FBF1: variants seen among roughly 807,000 people sequenced by gnomAD.
The protein encoded by FBF1 is fas-binding factor 1.
Under a neutral mutation model 147.2 loss-of-function variants are expected in FBF1, and 119 were observed. That is an observed-to-expected ratio of 0.81 (90% CI 0.70 to 0.94). The LOEUF (loss-of-function observed/expected upper bound fraction) is 0.94, where lower values mean the gene tolerates loss of function less well. FBF1 is among the 40% of genes least tolerant of loss of function. FBF1 has a pLI of 0.00. For synonymous variants in FBF1, 601 were observed against 609.0 expected (o/e 0.99, Z 0.19); for missense variants, 1,449 against 1,500.8 (o/e 0.97, Z 0.57).
chr17:75,922,661 C>T lies in FBF1; in HGVS notation c.1424+525G>A, dbSNP rs1480139870. ...CCCCCAGCCTGCTGGCCCCTTGTGC[C>T]TTCCTGCCTTCAGAGGTCACTCGCT... On this transcript the variant is annotated intron_variant, in intron 14 of 29. Transcript: ENST00000636174. The surrounding 1 kb of genome is among the most constrained non-coding windows in gnomAD (Gnocchi z 5.0). Among the ~76,000 whole-genome samples the T allele has an allele frequency of 2.0e-5, 3 of 152,222 alleles. No homozygotes were observed. The highest frequency in any genetic ancestry group is 4.4e-5 in the Non-Finnish European group (3 of 68,036).
chr17:75,934,520 C>A (rs968787181), intron 4 of FBF1, among the ~76,000 whole-genome samples: 2 of 149,104 alleles, frequency 1.3e-5, no homozygotes, highest in Non-Finnish European at 3.0e-5. Flanking sequence ...GGTGCCACTG[C>A]ACTCCAGCCT....
At chr17:75,935,331 AT>A (rs913101837) in intron 4 of FBF1, among the ~76,000 whole-genome samples, 2 of 151,160 alleles carry the variant, frequency 1.3e-5, no homozygotes, top group African/African-American at 2.4e-5. Context: ...TGCCCAGCTA[AT>A]TTTTTTTTGT....
rs758720110 is a variant in FBF1, at chr17:75,913,671, GCCGCCGGCCCTTCCT to G, written c.3247+16_3247+30del. 2,590 of 1,543,668 alleles carry G rather than the reference GCCGCCGGCCCTTCCT, an allele frequency of 1.7e-3. 1 individual carries two copies. The highest frequency in any genetic ancestry group is 2.2e-3 in the Non-Finnish European group (2,478 of 1,149,836). Reference sequence around the variant, plus strand: ...TAGCACTGCCCCTGCCCAGTCCTGAGCCGCCGGCCCTTCCTTCTGGAGCCACTCACCACTCTGGCT... The same window carrying G: ...TAGCACTGCCCCTGCCCAGTCCTGAGTCTGGAGCCACTCACCACTCTGGCT... On this transcript the variant is annotated intron_variant, in intron 28 of 29. Transcript: ENST00000636174.
intron 1 of FBF1, among the ~76,000 whole-genome samples, chr17:75,938,697 C>G (rs191320605): frequency 1.3e-4 from 20 of 151,808 alleles, no homozygotes; most frequent in East Asian, 9.7e-4. Context: ...AACCCCACCT[C>G]TACTAAAAAA....
Position 75,914,797 on chromosome 17 carries a change from C to T in FBF1, c.2764G>A (p.Ala922Thr). 1 of 1,562,692 alleles carries T rather than the reference C, an allele frequency of 6.4e-7. No individual in the cohort carries two copies. Among genetic ancestry groups the T allele is most frequent in the South Asian group, 1.2e-5 (1 of 84,500 alleles). ...KERAEREAER[A>T]LQVDTQREGT... is the part of the protein sequence containing the mutation. Reference sequence around the variant, plus strand: ...TCCCGCTGGGTGTCCACCTGCAATGCCCGCTCGGCCTCGCGCTCGGCCCGC... The same window carrying T: ...TCCCGCTGGGTGTCCACCTGCAATGTCCGCTCGGCCTCGCGCTCGGCCCGC... Residue 922 changes from alanine to threonine, a missense_variant, in exon 25 of 30, where the codon GCA becomes ACA. Ala to Thr is a moderately conservative substitution (Grantham distance 58, BLOSUM62 0). Coordinates refer to ENST00000636174, the MANE Select transcript of FBF1 (RefSeq NM_001319193.2).
chr17:75,923,492 G>A lies in FBF1; in HGVS notation c.1118C>T (p.Ser373Leu), dbSNP rs2065541774. ...KDEDLDLFPASPTREAHRESS... is the reference protein window; with the variant it reads ...KDEDLDLFPALPTREAHRESS... ...TTCCCGATGGGCCTCTCTGGTGGGT[G>A]AGGCAGGGAACAGGTCCAAGTCCTC... is the stretch of plus-strand genomic sequence containing the variant. Residue 373 changes from serine to leucine, a missense_variant, in exon 14 of 30, where the codon TCA becomes TTA. Ser to Leu is a moderately radical substitution (Grantham distance 145). Transcript: ENST00000636174. This position sits in a 1 kb window ranked among gnomAD's most constrained non-coding sequence, Gnocchi z 4.1. 3 of 1,607,526 alleles carry A rather than the reference G, an allele frequency of 1.9e-6. No homozygotes were observed. The highest frequency in any genetic ancestry group is 2.5e-6 in the Non-Finnish European group (3 of 1,177,418).
In FBF1 at chr17:75,925,883, G is replaced by T. The variant is rs956854575; in HGVS notation, c.868+147C>A. 3.4e-6 allele frequency: 4 copies of T among 1,179,266 alleles called. No homozygotes were observed. The East Asian group carries it at 1.1e-4, about 32-fold the overall frequency. The allele number at this position is 1,179,266 out of a possible 1,614,324, so 73.1% of individuals were successfully genotyped here. A position where few individuals can be genotyped will look rare whatever the true frequency, so the allele number is the denominator to read the frequency against. ...TGGTCACGGTAAGTATTATTTCACG[G>T]TAAGTATTATTTTGTCTCAGCTATA... On this transcript the variant is annotated intron_variant, in intron 12 of 29. Transcript: ENST00000636174. The surrounding 1 kb of genome is among the most constrained non-coding windows in gnomAD (Gnocchi z 5.0).
At chr17:75,933,944 T>A (rs1201577353) in intron 4 of FBF1, among the ~76,000 whole-genome samples, 5 of 152,176 alleles carry the variant, frequency 3.3e-5, no homozygotes, top group African/African-American at 1.2e-4. Context: ...ACTAGAGCCA[T>A]CTTACACTGT....
rs1021159847 is a variant in FBF1 at position 75,913,706 on chromosome 17, C to A, written c.3243G>T (p.Gln1081His). ...PRAQGPAASS[Q>H]SALMPPAPTT... ...CTTCCTTCTGGAGCCACTCACCACT[C>A]TGGCTGGAGGCTGCAGGGCCCTGGG... is the stretch of plus-strand genomic sequence containing the variant. Residue 1081 changes from glutamine (Q) to histidine (H), a missense_variant, in exon 28 of 30, where the codon CAG (glutamine) becomes CAT (histidine). Coordinates refer to ENST00000636174, the MANE Select transcript of FBF1 (RefSeq NM_001319193.2). The A allele has an allele frequency of 6.9e-6, 11 of 1,593,482 alleles. No homozygotes were observed. Among genetic ancestry groups the A allele is most frequent in the Non-Finnish European group, 9.3e-6 (11 of 1,177,104 alleles).
chr17:75,932,382 G>T (rs112643572), intron 5 of FBF1, among the ~76,000 whole-genome samples: 7 of 151,878 alleles, frequency 4.6e-5, no homozygotes, highest in African/African-American at 1.7e-4. Context: ...CTCAAAAAAA[G>T]AGAGAAAATA....
Position 75,925,958 on chromosome 17 carries a change from T to C in FBF1, c.868+72A>G. 6.6e-7 allele frequency: 1 copy of C among 1,505,846 alleles called. No homozygotes were observed. The highest frequency in any genetic ancestry group is 8.9e-7 in the Non-Finnish European group (1 of 1,126,484). 93.3% of individuals were successfully genotyped at this position (1,505,846 alleles called of 1,614,324 possible). A position where few individuals can be genotyped will look rare whatever the true frequency, so the allele number is the denominator to read the frequency against. The stretch of plus-strand genomic sequence containing the variant: ...TCAGGATGTGAGGCTGATTTCTCAT[T>C]ATAGGTTGTGATGAAAGCCTGATCT... On this transcript the variant is annotated intron_variant, in intron 12 of 29. Transcript: ENST00000636174. This position sits in a 1 kb window ranked among gnomAD's most constrained non-coding sequence, Gnocchi z 5.0.
At position 75,921,523 on chromosome 17, in the gene FBF1, G is replaced by C; in HGVS notation, c.1564C>G (p.Pro522Ala). Reference protein sequence around the residue: ...VTQNHAASALPTGSPKRGTAP... With the variant: ...VTQNHAASALATGSPKRGTAP... Reference sequence around the variant, plus strand: ...GTTCCCCTCTTTGGGGAACCTGTAGGGAGTGCTGAGGCGGCATGGTTCTGA... The same window carrying C: ...GTTCCCCTCTTTGGGGAACCTGTAGCGAGTGCTGAGGCGGCATGGTTCTGA... The change falls in exon 16 of 30, where the codon CCT (proline) becomes GCT (alanine). Residue 522 changes from proline (P) to alanine (A), a missense_variant. By Grantham distance (27) the Pro-to-Ala change is conservative. Coordinates refer to ENST00000636174, the MANE Select transcript of FBF1 (RefSeq NM_001319193.2). 1 of 1,613,210 alleles carries C rather than the reference G, an allele frequency of 6.2e-7. No individual in the cohort carries two copies. The highest frequency in any genetic ancestry group is 8.5e-7 in the Non-Finnish European group (1 of 1,179,658).
At chr17:75,915,291 G>A (rs1336395165) in intron 23 of FBF1, among the ~76,000 whole-genome samples, 152 bp from the exon 24 acceptor site, 1 of 152,178 alleles carries the variant, frequency 6.6e-6, no homozygotes, top group African/African-American at 2.4e-5. Context: ...GGGGTGCCTG[G>A]GAGGCACTGC....
chr17:75,932,871 T>C, intron 5 of FBF1, 124 bp downstream of exon 5: 1 of 596,878 alleles, frequency 1.7e-6, no homozygotes, highest in Non-Finnish European at 2.6e-6. Flanking sequence ...CGGCAACAAA[T>C]ATTCTCTAAA....
At chr17:75,926,583 C>A (rs1167722343) in intron 10 of FBF1, among the ~76,000 whole-genome samples, 157 bp from the exon 11 acceptor site, 2 of 152,196 alleles carry the variant, frequency 1.3e-5, no homozygotes, top group Non-Finnish European at 2.9e-5. Context: ...CAGCCTACTC[C>A]CAGACTCACA....
Position 75,923,547 on chromosome 17 carries a change from C to T in FBF1, c.1063G>A (p.Gly355Arg), listed in dbSNP as rs1229742004. The part of the protein sequence containing the change: ...MASSPIQPRK[G>R]GADWLGLKDE... ...TTGAGGCCCAACCAGTCAGCTCCTC[C>T]CTTCCTGGGCTGGATGGGGCTGGAA... Residue 355 changes from glycine to arginine, a missense_variant, in exon 14 of 30, where the codon GGA (glycine) becomes AGA (arginine). Physicochemically the swap from Gly to Arg is moderately radical, Grantham distance 125. Transcript: ENST00000636174. The surrounding 1 kb of genome is among the most constrained non-coding windows in gnomAD (Gnocchi z 4.1). 8.7e-6 allele frequency: 14 copies of T among 1,608,046 alleles called. No homozygotes were observed. Among genetic ancestry groups the T allele is most frequent in the African/African-American group, 1.3e-5 (1 of 74,866 alleles).
chr17:75,910,370 A>AGTCT lies in FBF1; in HGVS notation c.*349_*352dup, dbSNP rs1454608530. 3.5e-5 allele frequency: 12 copies of AGTCT among 338,984 alleles called. No individual in the cohort carries two copies. The highest frequency in any genetic ancestry group is 9.0e-4 in the Middle Eastern group (1 of 1,106). 21.0% of individuals were successfully genotyped at this position (338,984 alleles called of 1,614,324 possible). On this transcript the variant is annotated 3_prime_UTR_variant, in exon 30 of 30. Transcript: ENST00000636174. This position sits in a 1 kb window ranked among gnomAD's most constrained non-coding sequence, Gnocchi z 4.1. ...GGCCCAGGCAAAAAGAGCCCACAAC[A>AGTCT]GTCTACCTGTGGAGCAGGGGGAGCC... is the stretch of plus-strand genomic sequence containing the variant.
rs2065453624 is a variant in FBF1, at chr17:75,910,950, A to G, written c.3364-144T>C. ...CTGGCTCTGGGAGTCAGCAGGGGCC[A>G]TGAAAGAGCCCAGGTATGGAGTGAG... is the stretch of plus-strand genomic sequence containing the variant. On this transcript the variant is annotated intron_variant, in intron 29 of 29. Transcript: ENST00000636174. This position sits in a 1 kb window ranked among gnomAD's most constrained non-coding sequence, Gnocchi z 4.1. 1 of 664,260 alleles carries G rather than the reference A, an allele frequency of 1.5e-6. No homozygotes were observed. Among genetic ancestry groups the G allele is most frequent in the African/African-American group, 1.8e-5 (1 of 55,436 alleles). The allele number at this position is 664,260 out of a possible 1,614,324, so 41.1% of individuals were successfully genotyped here.
Position 75,923,981 on chromosome 17 carries a change from G to A in FBF1, c.969-340C>T, listed in dbSNP as rs945190721. ...TAATCCCAGATCTTTGGGAGGCCAGGGTGGGCAGATCGCTTAAGGCCAGGA... is the reference window on the plus strand; with the variant it reads ...TAATCCCAGATCTTTGGGAGGCCAGAGTGGGCAGATCGCTTAAGGCCAGGA... On this transcript the variant is annotated intron_variant, in intron 13 of 29. Coordinates refer to ENST00000636174, the MANE Select transcript of FBF1 (RefSeq NM_001319193.2). The surrounding 1 kb of genome is among the most constrained non-coding windows in gnomAD (Gnocchi z 4.1). 2.6e-5 allele frequency among the ~76,000 whole-genome samples: 4 copies of A among 152,162 alleles called. No individual in the cohort carries two copies. Among genetic ancestry groups the A allele is most frequent in the Non-Finnish European group, 4.4e-5 (3 of 68,032 alleles).
Sources: allele counts gnomAD v4.1 joint callset (sites outside exome capture counted in the v4.1 genomes callset), GRCh38; gene constraint gnomAD v4.1.1; non-coding constraint Gnocchi (gnomAD v3.1); transcripts MANE v1.5; gene names NCBI Gene and HGNC (gene_info 2026-07-23, HGNC 2026-07-21).